Variants in GLB1 observed in about 807,000 individuals in gnomAD.
The protein encoded by GLB1 is galactosidase beta 1.
A neutral mutation model predicts 74.0 loss-of-function variants in GLB1; 56 were observed. The observed-to-expected ratio is 0.76, with a 90% CI of 0.61 to 0.94. The LOEUF is 0.94. GLB1 is among the 40% of genes least tolerant of loss of function. The pLI is 0.00. For missense variants in GLB1, 787 were observed against 845.5 expected (o/e 0.93, Z 0.86); for synonymous variants, 323 against 323.6 (o/e 1.00, Z 0.02).
At chr3:32,976,545 G>T in the GLB1 span, among the ~76,000 whole-genome samples, 1 of 152,298 alleles carries the variant, frequency 6.6e-6, no homozygotes, top group East Asian at 1.9e-4. Context: ...CCAAAACCTG[G>T]GTGGGGATTT....
At chr3:33,053,153 T>G (rs1023393634) in intron 7 of GLB1, among the ~76,000 whole-genome samples, 1 of 152,142 alleles carries the variant, frequency 6.6e-6, no homozygotes, top group Non-Finnish European at 1.5e-5. Flanking sequence ...GCAAGTGACA[T>G]AGGTTCCCTG....
At position 33,094,186 on chromosome 3, in the gene GLB1, A is replaced by C. The variant is rs1195784280; in HGVS notation, c.75+2825T>G. ...TTCGCGCCTAGGGACAGCTGCCTGA[A>C]GATGGCCATTTTCTCTGCTCCTAGT... On this transcript the variant is annotated intron_variant, in intron 1 of 15. Transcript: ENST00000307363. The C allele has an allele frequency of 1.7e-5, 28 of 1,600,818 alleles. No individual in the cohort carries two copies. Among genetic ancestry groups the C allele is most frequent in the Non-Finnish European group, 2.4e-5 (28 of 1,171,108 alleles).
intron 10 of GLB1, among the ~76,000 whole-genome samples, chr3:33,037,091 G>C (rs1345895361): frequency 6.7e-6 from 1 of 148,400 alleles, no homozygotes; most frequent in Non-Finnish European, 1.5e-5. Context: ...TGTCACCCAT[G>C]CTGGAGTGCA....
chr3:32,968,824 G>GTA, the GLB1 span, among the ~76,000 whole-genome samples: 311 of 152,344 alleles, frequency 2.0e-3, 2 homozygotes, highest in African/African-American at 7.0e-3. Context: ...AGGCCATAGA[G>GTA]GTTCTAACTC....
intron 6 of GLB1, among the ~76,000 whole-genome samples, chr3:33,057,698 G>A (rs1282424653): frequency 1.3e-5 from 2 of 152,208 alleles, no homozygotes; most frequent in Non-Finnish European, 2.9e-5. Flanking sequence ...GTCCTGCCAA[G>A]GTGGGAGGAC....
At chr3:32,983,513 G>C in the GLB1 span, among the ~76,000 whole-genome samples, 3 of 152,068 alleles carry the variant, frequency 2.0e-5, no homozygotes, top group African/African-American at 7.2e-5. Context: ...TTTCAAGGTT[G>C]TTTTATTTAA....
the GLB1 span, among the ~76,000 whole-genome samples, chr3:32,969,011 C>G: frequency 6.6e-6 from 1 of 152,238 alleles, no homozygotes; most frequent in Non-Finnish European, 1.5e-5. Context: ...CTCATCAAGT[C>G]AGTCCCAGGA....
the GLB1 span, among the ~76,000 whole-genome samples, chr3:32,988,879 G>A: frequency 2.7e-5 from 4 of 148,668 alleles, no homozygotes; most frequent in Admixed American, 2.0e-4. Context: ...TTTTCTTGTA[G>A]ATATTTAGTA....
intron 10 of GLB1, among the ~76,000 whole-genome samples, chr3:33,043,817 G>GT (rs1698626222): frequency 3.5e-5 from 1 of 28,954 alleles, no homozygotes. Context: ...CAGGTAAATG[G>GT]TGTTAATGAA....
Position 32,996,930 on chromosome 3 carries a change from C to A in GLB1, c.*115G>T. The A allele has an allele frequency of 3.8e-6, 6 of 1,589,428 alleles. No individual in the cohort carries two copies. In the South Asian group the frequency reaches 6.8e-5, roughly 18 times the overall value. On this transcript the variant is annotated 3_prime_UTR_variant, in exon 16 of 16. Coordinates refer to ENST00000307363, the MANE Select transcript of GLB1 (RefSeq NM_000404.4). ...TGCAGGGAAACCTCAGGTGAAAATG[C>A]ACATCCTAAATTCCTTTTCCATTTC...
intron 5 of GLB1, among the ~76,000 whole-genome samples, chr3:33,064,776 CAA>C (rs36181668): frequency 1.5e-5 from 1 of 64,538 alleles, no homozygotes; most frequent in East Asian, 5.6e-4. Flanking sequence ...GACTCTCTCT[CAA>C]AAAAAAAAAA....
At chr3:33,015,881 C>G (rs765996383) in intron 14 of GLB1, among the ~76,000 whole-genome samples, 3 of 152,242 alleles carry the variant, frequency 2.0e-5, no homozygotes, top group Non-Finnish European at 4.4e-5. Context: ...ATTCTCTCCT[C>G]TCGCGGAGGT....
At chr3:33,020,817 T>C (rs1398116236) in intron 12 of GLB1, among the ~76,000 whole-genome samples, 1 of 152,180 alleles carries the variant, frequency 6.6e-6, no homozygotes, top group Non-Finnish European at 1.5e-5. Context: ...ATAATGTTCT[T>C]TTTCTTAAAA....
At chr3:33,059,121 T>C (rs112325913) in intron 5 of GLB1, among the ~76,000 whole-genome samples, 9 of 152,290 alleles carry the variant, frequency 5.9e-5, no homozygotes, top group African/African-American at 2.2e-4. Context: ...AACATGGCAA[T>C]AGTGCTGAGG....
chr3:33,035,137 A>C (rs531149111), intron 10 of GLB1, among the ~76,000 whole-genome samples: 1 of 151,942 alleles, frequency 6.6e-6, no homozygotes, highest in East Asian at 1.9e-4. Flanking sequence ...GATGTTTTTA[A>C]AAAAATGTTG....
At chr3:33,006,947 C>G (rs551379470) in intron 15 of GLB1, among the ~76,000 whole-genome samples, 3 of 152,270 alleles carry the variant, frequency 2.0e-5, no homozygotes, top group African/African-American at 7.2e-5. Context: ...ACTGCCAGCT[C>G]CCTGCATTCA....
At chr3:33,054,045 T>TA (rs1268418977) in intron 6 of GLB1, among the ~76,000 whole-genome samples, 9 of 151,494 alleles carry the variant, frequency 5.9e-5, no homozygotes, top group African/African-American at 9.7e-5. Flanking sequence ...AAAATAATAA[T>TA]AATAAATAAA....
the GLB1 span, among the ~76,000 whole-genome samples, chr3:32,977,965 C>A: frequency 1.3e-5 from 2 of 152,166 alleles, no homozygotes; most frequent in Non-Finnish European, 2.9e-5. Flanking sequence ...TTTACACGCC[C>A]TTAACCTAAT....
At chr3:32,986,839 C>G in the GLB1 span, among the ~76,000 whole-genome samples, 1 of 152,182 alleles carries the variant, frequency 6.6e-6, no homozygotes, top group Admixed American at 6.5e-5. Context: ...GATCCACTCG[C>G]CTTCGCCTCC....
Sources: gnomAD v4.1 joint callset for allele counts (sites outside exome capture counted in the v4.1 genomes callset) on GRCh38, gnomAD v4.1.1 for gene constraint, MANE v1.5 for transcripts, NCBI Gene and HGNC (gene_info 2026-07-23, HGNC 2026-07-21) for gene names.